The following MLIP variants were observed in gnomAD, a reference collection of about 807,000 sequenced individuals.
The protein encoded by MLIP is muscular LMNA-interacting protein.
Under a neutral mutation model 84.8 loss-of-function variants are expected in MLIP, and 79 were observed. That is an observed-to-expected ratio of 0.93 (90% CI 0.78 to 1.12). The LOEUF is 1.12. Among genes scored for constraint, MLIP ranks in the 50% most tolerant of loss-of-function variants. The pLI, the probability that MLIP is intolerant of heterozygous loss-of-function variation, is 0.00. For missense variants in MLIP, 1,257 were observed against 1,160.6 expected (o/e 1.08, Z -1.21); for synonymous variants, 504 against 463.0 (o/e 1.09, Z -1.14).
rs59574385 is a variant in MLIP at position 54,163,166 on chromosome 6, G to A, written c.2499+2367G>A. The stretch of plus-strand genomic sequence containing the variant: ...ATATATAATCATTTCTTAACTTAAG[G>A]TTTTTCTCTTGAGTATTAAAATAGT... On this transcript the variant is annotated intron_variant, in intron 8 of 13. Transcript: ENST00000502396. 2.0e-3 allele frequency among the ~76,000 whole-genome samples: 310 copies of A among 151,816 alleles called. 2 individuals carry two copies. The highest frequency in any genetic ancestry group is 7.1e-3 in the African/African-American group (296 of 41,434).
chr6:54,058,363 G>A (rs988302389), intron 1 of MLIP, among the ~76,000 whole-genome samples: 4 of 152,204 alleles, frequency 2.6e-5, no homozygotes, highest in African/African-American at 9.6e-5. Context: ...GGTTGTGCAT[G>A]TTTACTGCCA....
chr6:54,123,191 T>C (rs1004350506), intron 2 of MLIP, among the ~76,000 whole-genome samples: 3 of 150,844 alleles, frequency 2.0e-5, no homozygotes, highest in African/African-American at 7.3e-5. Flanking sequence ...CTCCTCGGCC[T>C]CCCAAAGTGC....
At chr6:54,140,187 T>C (rs1276303946) in intron 4 of MLIP, among the ~76,000 whole-genome samples, 2 of 152,188 alleles carry the variant, frequency 1.3e-5, no homozygotes, top group African/African-American at 4.8e-5. Context: ...ATTCTTTTTT[T>C]GTGAAAAGTG....
intron 8 of MLIP, 45 bp from the exon 9 acceptor site, chr6:54,169,483 T>G (rs1439138797): frequency 1.5e-6 from 2 of 1,363,340 alleles, no homozygotes; most frequent in South Asian, 2.9e-5. Flanking sequence ...CTATTATTAT[T>G]TACTTTATTA....
intron 11 of MLIP, among the ~76,000 whole-genome samples, chr6:54,219,919 A>G (rs1266603940): frequency 1.3e-5 from 2 of 152,144 alleles, no homozygotes; most frequent in Non-Finnish European, 2.9e-5. Flanking sequence ...ATCATTTTTA[A>G]CTATTTTTAA....
chr6:54,074,663 C>G (rs1354571526), intron 1 of MLIP, among the ~76,000 whole-genome samples: 1 of 152,134 alleles, frequency 6.6e-6, no homozygotes, highest in African/African-American at 2.4e-5. Context: ...TGCTGAAGCT[C>G]AGTGGCATCC....
intron 5 of MLIP, among the ~76,000 whole-genome samples, chr6:54,155,768 C>T (rs1182052124): frequency 1.3e-5 from 2 of 151,984 alleles, no homozygotes; most frequent in Non-Finnish European, 2.9e-5. Flanking sequence ...GTGCTAAGTT[C>T]AGAAATTCTT....
intron 1 of MLIP, among the ~76,000 whole-genome samples, chr6:54,024,560 T>C (rs140064872): frequency 2.3e-4 from 35 of 152,302 alleles, no homozygotes; most frequent in African/African-American, 7.2e-4. Context: ...TAGACACTTA[T>C]TTTGAATAAG....
At chr6:54,142,901 GA>G (rs1031969261) in intron 4 of MLIP, among the ~76,000 whole-genome samples, 4 of 150,696 alleles carry the variant, frequency 2.7e-5, no homozygotes, top group Admixed American at 6.6e-5. Context: ...TACGTGAAAT[GA>G]AAAAAACAAC....
chr6:54,254,457 C>T (rs1360685946), intron 12 of MLIP, among the ~76,000 whole-genome samples: 1 of 151,940 alleles, frequency 6.6e-6, no homozygotes, highest in African/African-American at 2.4e-5. Context: ...TTCACTGTTT[C>T]CATTCTGACT....
chr6:54,160,713 T>A lies in MLIP; in HGVS notation c.2440-27T>A, dbSNP rs1774543628. 4.5e-6 allele frequency: 7 copies of A among 1,538,744 alleles called. No homozygotes were observed. The East Asian group carries it at 1.4e-4, about 30-fold the overall frequency. On this transcript the variant is annotated intron_variant, in intron 7 of 13. Coordinates refer to ENST00000502396, the MANE Select transcript of MLIP (RefSeq NM_001281747.2). ...GTCCTTTTCTTTCCTTTTCTCTTCTTCTTTCCTTCCTTTCTTTTTTTTTCA... is the reference window on the plus strand; with the variant it reads ...GTCCTTTTCTTTCCTTTTCTCTTCTACTTTCCTTCCTTTCTTTTTTTTTCA...
At chr6:54,083,690 T>C (rs917811487) in intron 1 of MLIP, 21 of 1,463,288 alleles carry the variant, frequency 1.4e-5, no homozygotes, top group Non-Finnish European at 1.9e-5. Flanking sequence ...CAATGATAGC[T>C]GTGTACTGTC....
intron 5 of MLIP, among the ~76,000 whole-genome samples, chr6:54,158,870 AT>A (rs1265780233): frequency 9.4e-5 from 4 of 42,732 alleles, no homozygotes; most frequent in Non-Finnish European, 2.9e-4. Context: ...AAGAAGTATG[AT>A]AAAAAAAAAA....
chr6:54,134,857 C>A (rs1771671634), intron 3 of MLIP, among the ~76,000 whole-genome samples: 1 of 151,952 alleles, frequency 6.6e-6, no homozygotes, highest in South Asian at 2.1e-4. Flanking sequence ...GAATTCTTTA[C>A]CAAACAGCTA....
At chr6:54,146,910 T>A (rs1228755353) in intron 4 of MLIP, among the ~76,000 whole-genome samples, 1 of 152,190 alleles carries the variant, frequency 6.6e-6, no homozygotes, top group Non-Finnish European at 1.5e-5. Flanking sequence ...CAGCCAGGAC[T>A]GACATGCACT....
At chr6:54,237,316 G>A (rs1408916285) in intron 12 of MLIP, among the ~76,000 whole-genome samples, 1 of 151,882 alleles carries the variant, frequency 6.6e-6, no homozygotes, top group Non-Finnish European at 1.5e-5. Flanking sequence ...GCAGTCATTA[G>A]TTGAGGAGAG....
chr6:54,226,756 C>T (rs1780603275), intron 11 of MLIP, among the ~76,000 whole-genome samples: 1 of 151,930 alleles, frequency 6.6e-6, no homozygotes, highest in Non-Finnish European at 1.5e-5. Context: ...AAAATCGGAA[C>T]AGAATACTAA....
At chr6:54,206,386 G>A (rs552630236) in intron 11 of MLIP, among the ~76,000 whole-genome samples, 1 of 151,366 alleles carries the variant, frequency 6.6e-6, no homozygotes, top group Non-Finnish European at 1.5e-5. Flanking sequence ...GGAGAATATT[G>A]TTTCATCTGA....
At chr6:54,156,706 C>T (rs1437493331) in intron 5 of MLIP, among the ~76,000 whole-genome samples, 1 of 152,018 alleles carries the variant, frequency 6.6e-6, no homozygotes, top group Non-Finnish European at 1.5e-5. Flanking sequence ...ATTAATTTAA[C>T]TTAACTTCAT....
Sources: allele counts gnomAD v4.1 joint callset (sites outside exome capture counted in the v4.1 genomes callset), GRCh38; gene constraint gnomAD v4.1.1; transcripts MANE v1.5; gene names NCBI Gene and HGNC (gene_info 2026-07-23, HGNC 2026-07-21).